The following FNTB variants were observed in gnomAD, a reference collection of about 807,000 sequenced individuals.
The protein encoded by FNTB is farnesyltransferase, CAAX box, subunit beta, also known as protein farnesyltransferase subunit beta.
In FNTB, 27 loss-of-function variants were observed where a neutral mutation model predicts 59.4. The observed-to-expected ratio is 0.45, with a 90% CI of 0.34 to 0.63. The LOEUF (loss-of-function observed/expected upper bound fraction) is 0.63, where lower values mean the gene tolerates loss of function less well. Among genes scored for constraint, FNTB ranks in the 20% least tolerant of loss-of-function variants. The pLI is 0.02. For missense variants in FNTB, 449 were observed against 559.6 expected (o/e 0.80, Z 1.99); for synonymous variants, 230 against 220.7 (o/e 1.04, Z -0.37).
At chr14:65,037,305 T>C (rs1175590083) in intron 7 of FNTB, among the ~76,000 whole-genome samples, 2 of 150,302 alleles carry the variant, frequency 1.3e-5, no homozygotes, top group African/African-American at 4.9e-5. Context: ...GGTTTTACCA[T>C]GTTGGCCAGG....
intron 4 of FNTB, among the ~76,000 whole-genome samples, chr14:65,020,820 C>T (rs1261725371): frequency 6.6e-6 from 1 of 150,696 alleles, no homozygotes; most frequent in East Asian, 2.0e-4. Flanking sequence ...CAACCTCCAC[C>T]TCCCGGGTTC....
intron 4 of FNTB, among the ~76,000 whole-genome samples, chr14:65,022,285 T>G (rs1404992039): frequency 6.2e-5 from 4 of 64,344 alleles, no homozygotes; most frequent in South Asian, 6.2e-4. Flanking sequence ...TTTTTTTCTG[T>G]TTTTTTTTTT....
intron 9 of FNTB, among the ~76,000 whole-genome samples, chr14:65,051,583 C>G (rs2062612123): frequency 6.6e-6 from 1 of 151,490 alleles, no homozygotes; most frequent in Admixed American, 6.6e-5. Context: ...TGCCCTCCAA[C>G]CTGGGCAACA....
chr14:65,046,402 T>C (rs1196210427), intron 9 of FNTB, among the ~76,000 whole-genome samples: 1 of 152,238 alleles, frequency 6.6e-6, no homozygotes, highest in African/African-American at 2.4e-5. Flanking sequence ...TAAGACTCAG[T>C]AATTCTGCAA....
At position 65,057,996 on chromosome 14, in the gene FNTB, T is replaced by C. The variant is rs1032069577; in HGVS notation, c.1183-3185T>C. ...CTTGTTGTTTTTCTTCAAAATTGCCTTGGCTATTCTTTGCCTTTTGCTTTT... is the reference window on the plus strand; with the variant it reads ...CTTGTTGTTTTTCTTCAAAATTGCCCTGGCTATTCTTTGCCTTTTGCTTTT... On this transcript the variant is annotated intron_variant, in intron 11 of 11. Coordinates refer to ENST00000246166, the MANE Select transcript of FNTB (RefSeq NM_002028.4). 2.4e-4 allele frequency among the ~76,000 whole-genome samples: 36 copies of C among 152,256 alleles called. 1 individual carries two copies. Among genetic ancestry groups the C allele is most frequent in the African/African-American group, 8.2e-4 (34 of 41,476 alleles).
intron 2 of FNTB, among the ~76,000 whole-genome samples, chr14:65,005,465 CTTTCTT>C (rs1379284430): frequency 1.6e-5 from 2 of 125,906 alleles, no homozygotes; most frequent in Non-Finnish European, 3.2e-5. Context: ...TTCTTTCTTT[CTTTCTT>C]TCTTTCTTTC....
chr14:65,046,125 C>T (rs1194699093), intron 9 of FNTB, among the ~76,000 whole-genome samples: 1 of 152,102 alleles, frequency 6.6e-6, no homozygotes, highest in African/African-American at 2.4e-5. Context: ...TATAGGCATG[C>T]ACCACCACGC....
chr14:65,022,007 G>A (rs747129875), intron 4 of FNTB: 7 of 455,992 alleles, frequency 1.5e-5, no homozygotes, highest in South Asian at 7.7e-5. Context: ...GAGACTTGCC[G>A]GTGCTTGATG....
rs147305307 is a variant in FNTB, at chr14:65,021,889, G to A, written c.375-5564G>A. Reference sequence around the variant, plus strand: ...TCAAACTCCTGGCCTTAAGTGATCCGCCCACGTCGGCCTCCCAAAGTGCTA... The same window carrying A: ...TCAAACTCCTGGCCTTAAGTGATCCACCCACGTCGGCCTCCCAAAGTGCTA... On this transcript the variant is annotated intron_variant, in intron 4 of 11. Coordinates refer to ENST00000246166, the MANE Select transcript of FNTB (RefSeq NM_002028.4). The A allele has an allele frequency of 1.0e-3, 458 of 454,794 alleles. 2 individuals carry two copies. The highest frequency in any genetic ancestry group is 8.1e-3 in the African/African-American group (407 of 50,104). The allele number at this position is 454,794 out of a possible 1,614,324, so 28.2% of individuals were successfully genotyped here. A position where few individuals can be genotyped will look rare whatever the true frequency, so the allele number is the denominator to read the frequency against.
In FNTB at chr14:65,061,639, G is replaced by C; in HGVS notation, c.*327G>C. 1 of 241,528 alleles carries C rather than the reference G, an allele frequency of 4.1e-6. No individual in the cohort carries two copies. The highest frequency in any genetic ancestry group is 8.4e-6 in the Non-Finnish European group (1 of 118,858). The allele number at this position is 241,528 out of a possible 1,614,324, so 15.0% of individuals were successfully genotyped here. A position where few individuals can be genotyped will look rare whatever the true frequency, so the allele number is the denominator to read the frequency against. On this transcript the variant is annotated 3_prime_UTR_variant, in exon 12 of 12. Transcript: ENST00000246166. The stretch of plus-strand genomic sequence containing the variant: ...TCACACAGAGATGAATGGCATCTGA[G>C]TATTACGGCATCCAGAGCCACTGCT...
Position 65,032,541 on chromosome 14 carries a change from C to T in FNTB, c.606-69C>T, listed in dbSNP as rs932982459. The T allele has an allele frequency of 1.7e-5, 27 of 1,567,368 alleles. No individual in the cohort carries two copies. In the Admixed American group the frequency reaches 2.5e-4, roughly 14 times the overall value. ...TACTAGGCAAGGCGAGCAGTCCGCC[C>T]GCGGAGTTCACTGAGCCTCATTAGC... On this transcript the variant is annotated intron_variant, in intron 6 of 11. Transcript: ENST00000246166. The surrounding 1 kb of genome is among the most constrained non-coding windows in gnomAD (Gnocchi z 5.0).
At chr14:65,039,874 T>A (rs1485978008) in intron 7 of FNTB, among the ~76,000 whole-genome samples, 2 of 152,150 alleles carry the variant, frequency 1.3e-5, no homozygotes, top group Non-Finnish European at 2.9e-5. Context: ...AGGAAAAATA[T>A]TACTAGTAGA....
At chr14:65,041,864 A>G (rs2062361548) in intron 8 of FNTB, among the ~76,000 whole-genome samples, 1 of 152,208 alleles carries the variant, frequency 6.6e-6, no homozygotes, top group Non-Finnish European at 1.5e-5. Context: ...AAAAAGTCCC[A>G]TCTCCCAGGC....
chr14:65,060,021 C>T (rs1480261602), intron 11 of FNTB, among the ~76,000 whole-genome samples: 4 of 151,218 alleles, frequency 2.6e-5, no homozygotes, highest in African/African-American at 4.9e-5. Context: ...TTTGTAGAGA[C>T]GGGGTTTCAC....
At chr14:65,018,099 T>C (rs777386788) in intron 4 of FNTB, among the ~76,000 whole-genome samples, 4 of 152,196 alleles carry the variant, frequency 2.6e-5, no homozygotes, top group Non-Finnish European at 5.9e-5. Context: ...CCCAGCACTT[T>C]GGGAGGCCAC....
chr14:65,053,933 T>C (rs2062670497), intron 10 of FNTB, among the ~76,000 whole-genome samples: 1 of 152,204 alleles, frequency 6.6e-6, no homozygotes, highest in Non-Finnish European at 1.5e-5. Flanking sequence ...GGTATTTTTC[T>C]AGAGAAGTGT....
At chr14:65,035,689 C>T (rs2062173662) in intron 7 of FNTB, among the ~76,000 whole-genome samples, 1 of 151,804 alleles carries the variant, frequency 6.6e-6, no homozygotes, top group Non-Finnish European at 1.5e-5. Flanking sequence ...GCCACCATAA[C>T]CAGCTAATGT....
Position 65,054,444 on chromosome 14 carries a change from T to G in FNTB, c.1068-131T>G, listed in dbSNP as rs1428588025. ...TTAAATAACACTGCTGGGAAAACCA[T>G]GCCTCCTCTAGCCACATGGAGGATG... On this transcript the variant is annotated intron_variant, in intron 10 of 11. Transcript: ENST00000246166. The surrounding 1 kb of genome is among the most constrained non-coding windows in gnomAD (Gnocchi z 4.4). The G allele has an allele frequency of 1.1e-6, 1 of 885,090 alleles. No individual in the cohort carries two copies. The highest frequency in any genetic ancestry group is 1.7e-5 in the African/African-American group (1 of 57,910). The allele number at this position is 885,090 out of a possible 1,614,324, so 54.8% of individuals were successfully genotyped here.
intron 4 of FNTB, among the ~76,000 whole-genome samples, chr14:65,025,768 A>G (rs1244308752): frequency 4.6e-5 from 7 of 152,312 alleles, no homozygotes; most frequent in Admixed American, 4.6e-4. Context: ...GTGAGCCGTG[A>G]TTATGCCGCT....
Sources: gnomAD v4.1 joint callset for allele counts (sites outside exome capture counted in the v4.1 genomes callset) on GRCh38, gnomAD v4.1.1 for gene constraint, Gnocchi (gnomAD v3.1) non-coding constraint, MANE v1.5 for transcripts, NCBI Gene and HGNC (gene_info 2026-07-23, HGNC 2026-07-21) for gene names.